Variants in CCDC7 observed in about 807,000 individuals in gnomAD.
CCDC7 encodes the protein coiled-coil domain containing 7.
Under a neutral mutation model 196.9 loss-of-function variants are expected in CCDC7, and 183 were observed. The ratio of observed to expected loss-of-function variants is 0.93; its 90% CI spans 0.82 to 1.05. The LOEUF (loss-of-function observed/expected upper bound fraction) is 1.05. Ranked by LOEUF, CCDC7 falls within the 50% of genes least tolerant of loss-of-function variation. The pLI, the probability that CCDC7 is intolerant of heterozygous loss-of-function variation, is 0.00. For missense variants in CCDC7, 1,540 were observed against 1,482.2 expected (o/e 1.04, Z -0.64); for synonymous variants, 525 against 484.6 (o/e 1.08, Z -1.10).
At chr10:32,479,871 GAGTC>G (rs1463356964) in intron 8 of CCDC7, among the ~76,000 whole-genome samples, 1 of 150,534 alleles carries the variant, frequency 6.6e-6, no homozygotes, top group Non-Finnish European at 1.5e-5. Context: ...TTTTATCACT[GAGTC>G]AGTCTTCTTA....
intron 18 of CCDC7, chr10:32,623,689 G>A (rs1444908464): frequency 2.1e-6 from 1 of 466,226 alleles, no homozygotes; most frequent in South Asian, 1.6e-5. Flanking sequence ...ATAAGGAAAA[G>A]AGGTCTTATT....
intron 13 of CCDC7, among the ~76,000 whole-genome samples, chr10:32,560,489 C>T (rs1439191736): frequency 6.6e-6 from 1 of 152,192 alleles, no homozygotes; most frequent in East Asian, 1.9e-4. Context: ...AGAAACTCTG[C>T]AAGCCAGAAG....
At chr10:32,465,034 A>G (rs1056647489) in intron 5 of CCDC7, among the ~76,000 whole-genome samples, 1 of 152,164 alleles carries the variant, frequency 6.6e-6, no homozygotes, top group Admixed American at 6.5e-5. Context: ...GATTATTATC[A>G]GGGTGTAAAG....
At chr10:32,689,030 A>G (rs1272287635) in intron 22 of CCDC7, 23 bp from the exon 24 acceptor site, 1 of 1,391,830 alleles carries the variant, frequency 7.2e-7, no homozygotes. Context: ...AATTTAGCGG[A>G]CTAAACACAT....
At chr10:32,872,844 T>G (rs2094477172) in intron 41 of CCDC7, among the ~76,000 whole-genome samples, 1 of 152,144 alleles carries the variant, frequency 6.6e-6, no homozygotes. Flanking sequence ...AATTCTTCTC[T>G]TTAAGAATGT....
intron 38 of CCDC7, among the ~76,000 whole-genome samples, 188 bp downstream of exon 39, chr10:32,848,104 T>C (rs1239273979): frequency 6.6e-6 from 1 of 152,186 alleles, no homozygotes; most frequent in Non-Finnish European, 1.5e-5. Context: ...TTAAAACCTC[T>C]AGACAATGAT....
chr10:32,548,331 G>A (rs1421078083), intron 13 of CCDC7, among the ~76,000 whole-genome samples: 1 of 152,140 alleles, frequency 6.6e-6, no homozygotes, highest in African/African-American at 2.4e-5. Context: ...GGCAGGAAGG[G>A]CAGCTACAGA....
chr10:32,671,798 A>G (rs897534445), intron 21 of CCDC7, among the ~76,000 whole-genome samples: 1 of 152,094 alleles, frequency 6.6e-6, no homozygotes, highest in Non-Finnish European at 1.5e-5. Flanking sequence ...TCTGGCACTC[A>G]TGAGATTGAG....
At chr10:32,566,130 G>A (rs2056751796) in intron 14 of CCDC7, among the ~76,000 whole-genome samples, 1 of 152,004 alleles carries the variant, frequency 6.6e-6, no homozygotes, top group Non-Finnish European at 1.5e-5. Context: ...CTACCATCTT[G>A]GTAAAAATGT....
chr10:32,457,046 G>T (rs938908946), intron 3 of CCDC7, among the ~76,000 whole-genome samples: 11 of 151,334 alleles, frequency 7.3e-5, no homozygotes, highest in Non-Finnish European at 1.6e-4. Flanking sequence ...ATAAACCGTT[G>T]TTAGCTGTGG....
intron 5 of CCDC7, among the ~76,000 whole-genome samples, chr10:32,467,866 G>C (rs904796136): frequency 3.3e-5 from 5 of 152,136 alleles, no homozygotes; most frequent in African/African-American, 1.2e-4. Context: ...GTTTGCTTTT[G>C]TCAGGTTTGT....
chr10:32,868,587 C>CT (rs1292768552), intron 41 of CCDC7, among the ~76,000 whole-genome samples: 1 of 151,712 alleles, frequency 6.6e-6, no homozygotes, highest in Admixed American at 6.6e-5. Context: ...TTTTTTAATA[C>CT]TTTAAGTTCT....
At chr10:32,448,640 C>A (rs2032107195), upstream of CCDC7, among the ~76,000 whole-genome samples, 6 of 151,680 alleles carry the variant, frequency 4.0e-5, no homozygotes, top group Admixed American at 3.9e-4. Flanking sequence ...TAACAGGATA[C>A]CATCAACTTT....
At chr10:32,868,819 T>G (rs946124801) in intron 41 of CCDC7, among the ~76,000 whole-genome samples, 1 of 149,738 alleles carries the variant, frequency 6.7e-6, no homozygotes, top group African/African-American at 2.5e-5. Context: ...ACATGTGGTG[T>G]TTGGTTTTTT....
intron 16 of CCDC7, among the ~76,000 whole-genome samples, chr10:32,577,820 T>TA (rs1312547716): frequency 1.3e-5 from 2 of 152,302 alleles, no homozygotes; most frequent in African/African-American, 4.8e-5. Context: ...TGTACCACCT[T>TA]ATCAGATTTT....
intron 18 of CCDC7, among the ~76,000 whole-genome samples, chr10:32,633,603 CTTTG>C (rs1362929924): frequency 6.6e-6 from 1 of 151,116 alleles, no homozygotes; most frequent in Admixed American, 6.6e-5. Context: ...TGAATTAATG[CTTTG>C]TTTCTTTCCT....
intron 24 of CCDC7, among the ~76,000 whole-genome samples, chr10:32,702,678 G>T (rs933730669): frequency 6.6e-6 from 1 of 152,034 alleles, no homozygotes; most frequent in African/African-American, 2.4e-5. Context: ...GGTCTCTAAG[G>T]GCTTTCTTTA....
intron 21 of CCDC7, among the ~76,000 whole-genome samples, chr10:32,672,022 C>T (rs1308677492): frequency 1.3e-5 from 2 of 152,116 alleles, no homozygotes; most frequent in Admixed American, 6.6e-5. Context: ...TCTGACTTGT[C>T]AGCTTGCTTG....
At chr10:32,866,875 A>C (rs868706883) in intron 41 of CCDC7, among the ~76,000 whole-genome samples, 63 of 151,848 alleles carry the variant, frequency 4.1e-4, no homozygotes, top group Middle Eastern at 3.4e-3. Flanking sequence ...ATTACAATCT[A>C]ATGATCAAAA....
Sources: allele counts gnomAD v4.1 joint callset (sites outside exome capture counted in the v4.1 genomes callset), GRCh38; gene constraint gnomAD v4.1.1; transcripts MANE v1.5; gene names NCBI Gene and HGNC (gene_info 2026-07-23, HGNC 2026-07-21).